Variants in FBXW7 observed in about 807,000 individuals in gnomAD.
FBXW7 encodes F-box and WD repeat domain containing 7, also known as F-box/WD repeat-containing protein 7.
In FBXW7, 11 loss-of-function variants were observed where a neutral mutation model predicts 86.3. The observed-to-expected ratio is 0.13, with a 90% CI of 0.08 to 0.21. The LOEUF (loss-of-function observed/expected upper bound fraction) is 0.21. Ranked by LOEUF, FBXW7 falls within the 10% of genes least tolerant of loss-of-function variation. The probability of loss-of-function intolerance (pLI) is 1.00; values close to 1 mark genes in which losing one functional copy is unlikely to be tolerated. For synonymous variants in FBXW7, 313 were observed against 297.9 expected, an observed-to-expected ratio of 1.05 and a Z score of -0.52; for missense variants, 488 against 847.4, an observed-to-expected ratio of 0.58 and a Z score of 5.27.
chr4:152,395,855 T>C (rs962265769), intron 4 of FBXW7, among the ~76,000 whole-genome samples: 18 of 152,160 alleles, frequency 1.2e-4, no homozygotes, highest in African/African-American at 4.1e-4. Context: ...TAGTGAAAAA[T>C]AGGTGGTCTA....
At chr4:152,377,026 T>C (rs576324748) in intron 4 of FBXW7, among the ~76,000 whole-genome samples, 7 of 152,182 alleles carry the variant, frequency 4.6e-5, no homozygotes, top group Non-Finnish European at 1.0e-4. Context: ...AGTCAACTGT[T>C]TGAAACTTTG....
chr4:152,362,283 G>C (rs539316741), intron 4 of FBXW7, among the ~76,000 whole-genome samples: 3 of 152,164 alleles, frequency 2.0e-5, no homozygotes, highest in East Asian at 3.9e-4. Context: ...AAGTTTATGA[G>C]TCAATGTATG....
chr4:152,467,847 A>G (rs1743597019), intron 2 of FBXW7, among the ~76,000 whole-genome samples: 1 of 152,252 alleles, frequency 6.6e-6, no homozygotes, highest in African/African-American at 2.4e-5. Context: ...TTTCTGCTTC[A>G]AAGGACACCA....
At chr4:152,335,984 T>C (rs770690709) in intron 7 of FBXW7, among the ~76,000 whole-genome samples, 2 of 152,156 alleles carry the variant, frequency 1.3e-5, no homozygotes, top group Non-Finnish European at 2.9e-5. Context: ...TTTTGAGATA[T>C]GGCCAAAGGA....
intron 2 of FBXW7, among the ~76,000 whole-genome samples, chr4:152,422,386 TTGTAC>T (rs1368572382): frequency 6.6e-6 from 1 of 152,208 alleles, no homozygotes; most frequent in African/African-American, 2.4e-5. Flanking sequence ...AGTCTGAGTA[TTGTAC>T]TGAAGAGTTT....
chr4:152,398,866 T>G (rs562033710), intron 4 of FBXW7, among the ~76,000 whole-genome samples: 1 of 152,204 alleles, frequency 6.6e-6, no homozygotes, highest in African/African-American at 2.4e-5. Context: ...CTAATAAGAT[T>G]GATAAAATTG....
chr4:152,456,577 A>C (rs1742441560), intron 2 of FBXW7, among the ~76,000 whole-genome samples: 1 of 152,138 alleles, frequency 6.6e-6, no homozygotes, highest in Admixed American at 6.6e-5. Flanking sequence ...AGATTCGAGA[A>C]AATACTTCAA....
At chr4:152,386,130 C>G (rs1270070952) in intron 4 of FBXW7, among the ~76,000 whole-genome samples, 2 of 151,990 alleles carry the variant, frequency 1.3e-5, no homozygotes, top group Admixed American at 6.6e-5. Context: ...AAGTCTGAGT[C>G]TCAATTCTAC....
intron 6 of FBXW7, 36 bp downstream of exon 6, chr4:152,346,894 G>A (rs2126633563): frequency 6.2e-7 from 1 of 1,609,088 alleles, no homozygotes; most frequent in African/African-American, 1.3e-5. Context: ...CAGCAATTAA[G>A]TGAGGCATTT....
At position 152,536,018 on chromosome 4, in the gene FBXW7, C is replaced by T; in HGVS notation, c.-1104G>A. On this transcript the variant is annotated 5_prime_UTR_variant, in exon 1 of 14. Coordinates refer to ENST00000281708, the MANE Select transcript of FBXW7 (RefSeq NM_001349798.2). ...GTCTCAGCGGCGGCGGCGGCGGCAGCGGCAGCGGCAGCGCCCGGAGCTCAG... is the reference window on the plus strand; with the variant it reads ...GTCTCAGCGGCGGCGGCGGCGGCAGTGGCAGCGGCAGCGCCCGGAGCTCAG... 4.5e-6 allele frequency: 1 copy of T among 222,344 alleles called. No homozygotes were observed. Among genetic ancestry groups the T allele is most frequent in the South Asian group, 7.6e-5 (1 of 13,210 alleles). The allele number at this position is 222,344 out of a possible 1,614,324, so 13.8% of individuals were successfully genotyped here. A position where few individuals can be genotyped will look rare whatever the true frequency, so the allele number is the denominator to read the frequency against.
chr4:152,516,803 T>C (rs913408810), intron 2 of FBXW7, among the ~76,000 whole-genome samples: 7 of 152,232 alleles, frequency 4.6e-5, no homozygotes, highest in African/African-American at 1.7e-4. Context: ...AACAATACTG[T>C]AAACTTAGTA....
intron 4 of FBXW7, among the ~76,000 whole-genome samples, chr4:152,400,332 T>C (rs949527250): frequency 6.6e-6 from 1 of 152,164 alleles, no homozygotes; most frequent in African/African-American, 2.4e-5. Flanking sequence ...ATAAAACTCT[T>C]AGAAGATAAC....
chr4:152,524,981 C>T (rs1174591917), intron 2 of FBXW7, among the ~76,000 whole-genome samples: 7 of 152,128 alleles, frequency 4.6e-5, no homozygotes, highest in African/African-American at 1.4e-4. Context: ...ATTTACACAA[C>T]CTTCCAGTAT....
chr4:152,470,105 AAC>A (rs148806560), intron 2 of FBXW7, among the ~76,000 whole-genome samples: 2,075 of 152,140 alleles, frequency 0.014, 25 homozygotes, highest in Middle Eastern at 0.037. Context: ...GTTTCAGTAA[AAC>A]AGTTTAAAAT....
intron 4 of FBXW7, among the ~76,000 whole-genome samples, chr4:152,363,042 T>C (rs1190574738): frequency 6.6e-6 from 1 of 152,164 alleles, no homozygotes; most frequent in African/African-American, 2.4e-5. Flanking sequence ...TACCAATCCA[T>C]TTATTTCAAA....
At chr4:152,389,046 T>A (rs1735779376) in intron 4 of FBXW7, among the ~76,000 whole-genome samples, 1 of 151,948 alleles carries the variant, frequency 6.6e-6, no homozygotes, top group Non-Finnish European at 1.5e-5. Context: ...ATGTTCAACA[T>A]CATTATCAAA....
At chr4:152,485,288 T>C (rs971086874) in intron 2 of FBXW7, among the ~76,000 whole-genome samples, 1 of 152,228 alleles carries the variant, frequency 6.6e-6, no homozygotes, top group African/African-American at 2.4e-5. Context: ...TCAAATTGCC[T>C]ATGTGAAAAA....
chr4:152,371,796 T>C (rs1734028806), intron 4 of FBXW7, among the ~76,000 whole-genome samples: 1 of 152,010 alleles, frequency 6.6e-6, no homozygotes, highest in South Asian at 2.1e-4. Context: ...TATTAGCAGA[T>C]GCTTATTTGT....
intron 2 of FBXW7, among the ~76,000 whole-genome samples, chr4:152,432,228 T>C (rs1003481000): frequency 1.3e-5 from 2 of 152,154 alleles, no homozygotes; most frequent in Non-Finnish European, 2.9e-5. Context: ...ACCTTGCCTG[T>C]TGAAATGGAA....
Sources: gnomAD v4.1 joint callset for allele counts (sites outside exome capture counted in the v4.1 genomes callset) on GRCh38, gnomAD v4.1.1 for gene constraint, MANE v1.5 for transcripts, NCBI Gene and HGNC (gene_info 2026-07-23, HGNC 2026-07-21) for gene names.